Variants in SVOPL observed in about 807,000 individuals in gnomAD.
SVOPL encodes the protein SVOP like, also known as putative transporter SVOPL.
Under a neutral mutation model 61.0 loss-of-function variants are expected in SVOPL, and 60 were observed. That is an observed-to-expected ratio of 0.98 (90% CI 0.80 to 1.22). The LOEUF (loss-of-function observed/expected upper bound fraction) is 1.22. Among genes scored for constraint, SVOPL ranks in the 50% most tolerant of loss-of-function variants. The probability of loss-of-function intolerance (pLI) is 0.00; values close to 1 mark genes in which losing one functional copy is unlikely to be tolerated. For synonymous variants in SVOPL, 279 were observed against 250.0 expected, an observed-to-expected ratio of 1.12 and a Z score of -1.09; for missense variants, 662 against 643.9, an observed-to-expected ratio of 1.03 and a Z score of -0.30.
chr7:138,595,788 T>C (rs997480774), intron 15 of SVOPL, among the ~76,000 whole-genome samples: 1 of 152,186 alleles, frequency 6.6e-6, no homozygotes, highest in African/African-American at 2.4e-5. Context: ...CTGGATCACC[T>C]TTCCAAGTAA....
chr7:138,640,735 G>T (rs1445017081), intron 9 of SVOPL, among the ~76,000 whole-genome samples: 1 of 152,074 alleles, frequency 6.6e-6, no homozygotes, highest in Non-Finnish European at 1.5e-5. Flanking sequence ...GACATAAAGA[G>T]GACAGCAATA....
chr7:138,611,459 C>A (rs892694377), intron 14 of SVOPL, among the ~76,000 whole-genome samples: 4 of 152,130 alleles, frequency 2.6e-5, no homozygotes, highest in Non-Finnish European at 5.9e-5. Flanking sequence ...TTAACTAGTG[C>A]CCAGCTCTGT....
chr7:138,675,472 G>A (rs1325456097), intron 3 of SVOPL, among the ~76,000 whole-genome samples: 2 of 152,024 alleles, frequency 1.3e-5, no homozygotes, highest in African/African-American at 4.8e-5. Flanking sequence ...TCCTGACCCT[G>A]CCTTCCGAGT....
intron 7 of SVOPL, among the ~76,000 whole-genome samples, chr7:138,650,099 G>A (rs1801345414): frequency 6.6e-6 from 1 of 152,120 alleles, no homozygotes; most frequent in African/African-American, 2.4e-5. Flanking sequence ...CAAAGTGCTG[G>A]GATTACAGGC....
chr7:138,698,559 C>T (rs1374333778), intron 1 of SVOPL, among the ~76,000 whole-genome samples: 1 of 152,106 alleles, frequency 6.6e-6, no homozygotes, highest in East Asian at 1.9e-4. Flanking sequence ...AGAGATCTCC[C>T]GCAGCCTCGG....
intron 12 of SVOPL, among the ~76,000 whole-genome samples, chr7:138,626,582 G>A (rs1799902701): frequency 6.6e-6 from 1 of 152,092 alleles, no homozygotes; most frequent in Non-Finnish European, 1.5e-5. Context: ...TTGTAGAGAT[G>A]GGGTTTTGCC....
At chr7:138,683,827 G>A (rs559517479) in intron 1 of SVOPL, among the ~76,000 whole-genome samples, 34 of 151,946 alleles carry the variant, frequency 2.2e-4, no homozygotes, top group Admixed American at 2.1e-3. Context: ...GCTGAGGCGG[G>A]CAGATCACAA....
At chr7:138,648,365 C>T (rs981232707) in intron 8 of SVOPL, among the ~76,000 whole-genome samples, 39 of 151,458 alleles carry the variant, frequency 2.6e-4, no homozygotes, top group African/African-American at 8.5e-4. Flanking sequence ...AATCCCAGCA[C>T]TTTGTGCCAA....
chr7:138,648,189 G>A (rs776367881), intron 8 of SVOPL, among the ~76,000 whole-genome samples: 39 of 152,244 alleles, frequency 2.6e-4, no homozygotes, highest in Non-Finnish European at 5.4e-4. Context: ...CTGAAGGAGA[G>A]AGTGGAGTCA....
chr7:138,621,265 T>C (rs991762016), intron 13 of SVOPL, 130 bp from the exon 14 acceptor site: 2 of 597,220 alleles, frequency 3.3e-6, no homozygotes, highest in Non-Finnish European at 5.4e-6. Flanking sequence ...GAATATGGAA[T>C]AGAAGGTGTT....
intron 1 of SVOPL, among the ~76,000 whole-genome samples, chr7:138,679,736 A>G (rs1014979577): frequency 6.6e-6 from 1 of 152,198 alleles, no homozygotes; most frequent in African/African-American, 2.4e-5. Flanking sequence ...CACTCACCCC[A>G]TAACTGGCAA....
chr7:138,624,332 G>T (rs1010862848), intron 13 of SVOPL, among the ~76,000 whole-genome samples: 25 of 152,156 alleles, frequency 1.6e-4, no homozygotes, highest in Non-Finnish European at 3.1e-4. Context: ...TGGATATACT[G>T]ATGAAGTCTT....
chr7:138,649,748 C>G (rs200613406), intron 7 of SVOPL, among the ~76,000 whole-genome samples: 131 of 152,214 alleles, frequency 8.6e-4, no homozygotes, highest in African/African-American at 2.8e-3. Flanking sequence ...AATGAATAAG[C>G]AAGCCAGTAA....
At position 138,685,881 on chromosome 7, in the gene SVOPL, A is replaced by AT. The variant is rs763861188; in HGVS notation, c.-34-6803_-34-6802insA. Reference sequence around the variant, plus strand: ...AGCAAGACTGTCTCAAAAAAAAAATAAAATAAAATAAATAATAAATAAAAA... The same window carrying AT: ...AGCAAGACTGTCTCAAAAAAAAAATATAAATAAAATAAATAATAAATAAAAA... On this transcript the variant is annotated intron_variant, in intron 1 of 15. Transcript: ENST00000674285. Among the ~76,000 whole-genome samples, 258 of 149,658 alleles carry AT rather than the reference A, an allele frequency of 1.7e-3. 2 individuals are homozygous for AT. Among genetic ancestry groups the AT allele is most frequent in the African/African-American group, 5.9e-3 (237 of 40,116 alleles).
intron 14 of SVOPL, among the ~76,000 whole-genome samples, chr7:138,620,008 C>A (rs1323035519): frequency 6.6e-6 from 1 of 152,044 alleles, no homozygotes; most frequent in African/African-American, 2.4e-5. Flanking sequence ...AGAGCCTGGG[C>A]CCCTGTCAGT....
intron 1 of SVOPL, among the ~76,000 whole-genome samples, chr7:138,683,160 TA>T (rs1461365001): frequency 2.0e-5 from 3 of 151,984 alleles, no homozygotes; most frequent in South Asian, 4.2e-4. Flanking sequence ...AGGTACATAC[TA>T]AAATATTTAC....
At chr7:138,615,627 TCTACTAAAAATACAAAAATTAGCTA>T (rs1799260631) in intron 14 of SVOPL, among the ~76,000 whole-genome samples, 1 of 73,822 alleles carries the variant, frequency 1.4e-5, no homozygotes, top group Non-Finnish European at 3.0e-5. Context: ...AAATCCCATC[TCTACTAAAAATACAAAAATTAGCTA>T]GGCATGGTGG....
At chr7:138,632,025 GCT>G (rs1391564896) in intron 9 of SVOPL, among the ~76,000 whole-genome samples, 12 of 147,886 alleles carry the variant, frequency 8.1e-5, no homozygotes, top group African/African-American at 2.8e-4. Context: ...AAGCATCTGG[GCT>G]CTGTTTTTTA....
In SVOPL at chr7:138,648,202, A is replaced by C. The variant is rs1801218220; in HGVS notation, c.660+810T>G. ...TGCTGAAGGAGAGAGTGGAGTCAGC[A>C]AAAACAGGACGGAGCCGTCAGACAA... On this transcript the variant is annotated intron_variant, in intron 8 of 15. Coordinates refer to ENST00000674285, the MANE Select transcript of SVOPL (RefSeq NM_001139456.2). 1.3e-5 allele frequency among the ~76,000 whole-genome samples: 2 copies of C among 152,132 alleles called. 1 individual carries two copies. The highest frequency in any genetic ancestry group is 4.1e-4 in the South Asian group (2 of 4,832).
Sources: gnomAD v4.1 joint callset for allele counts (sites outside exome capture counted in the v4.1 genomes callset) on GRCh38, gnomAD v4.1.1 for gene constraint, MANE v1.5 for transcripts, NCBI Gene and HGNC (gene_info 2026-07-23, HGNC 2026-07-21) for gene names.